The following NSL1 variants were observed in gnomAD, a reference collection of about 807,000 sequenced individuals.
NSL1 encodes the protein NSL1 component of MIS12 kinetochore complex.
Under a neutral mutation model 25.4 loss-of-function variants are expected in NSL1, and 11 were observed. The ratio of observed to expected loss-of-function variants is 0.43; its 90% confidence interval spans 0.27 to 0.72. The LOEUF (loss-of-function observed/expected upper bound fraction) is 0.72, where lower values mean the gene tolerates loss of function less well. Among genes scored for constraint, NSL1 ranks in the 30% least tolerant of loss-of-function variants. The probability of loss-of-function intolerance (pLI) is 0.19; values close to 1 mark genes in which losing one functional copy is unlikely to be tolerated. For synonymous variants in NSL1, 118 were observed against 120.6 expected, an observed-to-expected ratio of 0.98 and a Z score of 0.14; for missense variants, 330 against 342.7, an observed-to-expected ratio of 0.96 and a Z score of 0.29.
rs1657892918 is a variant in NSL1, at chr1:212,728,866, G to C, written c.*9542C>G. The C allele has an allele frequency of 1.0e-6, 1 of 985,406 alleles. No individual in the cohort carries two copies. Among genetic ancestry groups the C allele is most frequent in the Non-Finnish European group, 1.2e-6 (1 of 829,920 alleles). The allele number at this position is 985,406 out of a possible 1,614,324, so 61.0% of individuals were successfully genotyped here. On this transcript the variant is annotated 3_prime_UTR_variant, in exon 6 of 6. Coordinates refer to ENST00000366977, the MANE Select transcript of NSL1 (RefSeq NM_015471.4). The stretch of plus-strand genomic sequence containing the variant: ...AGTGTTTGCAGGAGGGCAAGACTGG[G>C]AGTGCTGGGGGTGGGGAGGCCAGAG...
chr1:212,732,705 T>C lies in NSL1; in HGVS notation c.*5703A>G, dbSNP rs1015104938. On this transcript the variant is annotated 3_prime_UTR_variant, in exon 6 of 6. Coordinates refer to ENST00000366977, the MANE Select transcript of NSL1 (RefSeq NM_015471.4). ...GGGAGCCTTAGTTTCCCAGATCCCATGGCTGCTGCTTTTTTGGTTTACCCT... is the reference window on the plus strand; with the variant it reads ...GGGAGCCTTAGTTTCCCAGATCCCACGGCTGCTGCTTTTTTGGTTTACCCT... 9 of 966,172 alleles carry C rather than the reference T, an allele frequency of 9.3e-6. No homozygotes were observed. Among genetic ancestry groups the C allele is most frequent in the Non-Finnish European group, 1.1e-5 (9 of 812,338 alleles). The allele number at this position is 966,172 out of a possible 1,614,324, so 59.8% of individuals were successfully genotyped here.
intron 4 of NSL1, among the ~76,000 whole-genome samples, chr1:212,754,505 G>A (rs778895172): frequency 2.0e-5 from 3 of 152,032 alleles, no homozygotes; most frequent in Non-Finnish European, 4.4e-5. Context: ...AGCCCGGCGC[G>A]GTGGCTCACA....
At chr1:212,772,805 C>T (rs148942955) in intron 4 of NSL1, among the ~76,000 whole-genome samples, 16 of 152,254 alleles carry the variant, frequency 1.1e-4, no homozygotes, top group East Asian at 7.7e-4. Flanking sequence ...TCAAAATATA[C>T]TACAAAGCTA....
chr1:212,785,735 C>T (rs1440645520), intron 2 of NSL1, among the ~76,000 whole-genome samples: 1 of 152,136 alleles, frequency 6.6e-6, no homozygotes, highest in East Asian at 1.9e-4. Context: ...TAAGTAGTTA[C>T]AAATACTAAA....
intron 4 of NSL1, among the ~76,000 whole-genome samples, chr1:212,742,023 C>G (rs981163163): frequency 5.9e-5 from 9 of 152,144 alleles, no homozygotes; most frequent in Admixed American, 1.3e-4. Flanking sequence ...ATAAATTTCT[C>G]AACCCTATCA....
Position 212,765,853 on chromosome 1 carries a change from C to T in NSL1, c.499+16519G>A, listed in dbSNP as rs562553914. On this transcript the variant is annotated intron_variant, in intron 4 of 5. Transcript: ENST00000366977. The stretch of plus-strand genomic sequence containing the variant: ...GCATCTCTTTATGATTAAAAACCCT[C>T]GGGCTGGGCGCAGTGGCTCACACCT... Among the ~76,000 whole-genome samples, 8 of 151,420 alleles carry T rather than the reference C, an allele frequency of 5.3e-5. No individual in the cohort carries two copies. The South Asian group carries it at 1.5e-3, about 28-fold the overall frequency.
rs1038553588 is a variant in NSL1, at chr1:212,760,370, T to C, written c.500-20769A>G. Among the ~76,000 whole-genome samples the C allele has an allele frequency of 1.3e-5, 2 of 152,100 alleles. No homozygotes were observed. The highest frequency in any genetic ancestry group is 2.9e-5 in the Non-Finnish European group (2 of 68,018). ...CCCAGGAATAGCCTCATTCTGTCTG[T>C]TGCTGTGGGCAGGTGCACACACTCA... On this transcript the variant is annotated intron_variant, in intron 4 of 5. Coordinates refer to ENST00000366977, the MANE Select transcript of NSL1 (RefSeq NM_015471.4). This position sits in a 1 kb window ranked among gnomAD's most constrained non-coding sequence, Gnocchi z 4.3.
At position 212,731,814 on chromosome 1, in the gene NSL1, T is replaced by A; in HGVS notation, c.*6594A>T. ...CACACTGTTACAAACATATGGATTG[T>A]ACTGGTTGGCACAGAAGCCTCCTCA... On this transcript the variant is annotated 3_prime_UTR_variant, in exon 6 of 6. Coordinates refer to ENST00000366977, the MANE Select transcript of NSL1 (RefSeq NM_015471.4). The A allele has an allele frequency of 1.0e-6, 1 of 985,432 alleles. No homozygotes were observed. Among genetic ancestry groups the A allele is most frequent in the Non-Finnish European group, 1.2e-6 (1 of 829,934 alleles). 61.0% of individuals were successfully genotyped at this position (985,432 alleles called of 1,614,324 possible). A position where few individuals can be genotyped will look rare whatever the true frequency, so the allele number is the denominator to read the frequency against.
chr1:212,782,995 G>A (rs1660792710), intron 3 of NSL1, among the ~76,000 whole-genome samples: 1 of 152,052 alleles, frequency 6.6e-6, no homozygotes. Flanking sequence ...AAGGTTAAAA[G>A]AAAGAAAACA....
Position 212,733,999 on chromosome 1 carries a change from T to C in NSL1, c.*4409A>G, listed in dbSNP as rs1658133246. ...ATTTCTTAATCTTTCTGTTTTATTT[T>C]TGGGAAAATTTCATTTTATCTCCCA... On this transcript the variant is annotated 3_prime_UTR_variant, in exon 6 of 6. Transcript: ENST00000366977. 6.6e-6 allele frequency among the ~76,000 whole-genome samples: 1 copy of C among 152,226 alleles called. No individual in the cohort carries two copies. Among genetic ancestry groups the C allele is most frequent in the Non-Finnish European group, 1.5e-5 (1 of 68,040 alleles).
chr1:212,776,363 CA>C (rs1014579066), intron 4 of NSL1, among the ~76,000 whole-genome samples: 5 of 147,828 alleles, frequency 3.4e-5, no homozygotes, highest in African/African-American at 5.0e-5. Flanking sequence ...AACTCCGTCT[CA>C]AAAAAAAATA....
At chr1:212,740,028 G>T (rs111917171) in intron 4 of NSL1, among the ~76,000 whole-genome samples, 46 of 152,116 alleles carry the variant, frequency 3.0e-4, no homozygotes, top group African/African-American at 1.0e-3. Flanking sequence ...AATTAATCTG[G>T]AACAGATTAT....
Position 212,738,033 on chromosome 1 carries a change from T to A in NSL1, c.*375A>T. On this transcript the variant is annotated 3_prime_UTR_variant, in exon 6 of 6. Coordinates refer to ENST00000366977, the MANE Select transcript of NSL1 (RefSeq NM_015471.4). ...TTATACAGCTCTCTCTCTTTTTTTT[T>A]TTTTTCCTAGAAAGATGTATACCAG... 1 of 993,826 alleles carries A rather than the reference T, an allele frequency of 1.0e-6. No individual in the cohort carries two copies. The highest frequency in any genetic ancestry group is 1.2e-6 in the Non-Finnish European group (1 of 835,616). The allele number at this position is 993,826 out of a possible 1,614,324, so 61.6% of individuals were successfully genotyped here.
intron 4 of NSL1, among the ~76,000 whole-genome samples, chr1:212,747,855 T>G (rs1229250687): frequency 1.3e-5 from 2 of 151,416 alleles, no homozygotes; most frequent in Non-Finnish European, 2.9e-5. Context: ...AACCTCTGCC[T>G]CCTGGTTCAA....
In NSL1 at chr1:212,728,627, G is replaced by C. The variant is rs553537827; in HGVS notation, c.*9781C>G. On this transcript the variant is annotated 3_prime_UTR_variant, in exon 6 of 6. Transcript: ENST00000366977. ...AAAAATGGTTTCTGAGAATTCTGAG[G>C]CTCTGATCTGATGAGTGAAGGGAAC... 1.4e-5 allele frequency: 14 copies of C among 985,432 alleles called. No individual in the cohort carries two copies. The South Asian group carries it at 5.6e-4, about 40-fold the overall frequency. 61.0% of individuals were successfully genotyped at this position (985,432 alleles called of 1,614,324 possible).
Position 212,726,231 on chromosome 1 carries a change from A to C in NSL1, c.*12177T>G, listed in dbSNP as rs898810304. The C allele has an allele frequency of 4.6e-5, 7 of 152,378 alleles. No homozygotes were observed. Among genetic ancestry groups the C allele is most frequent in the East Asian group, 1.9e-4 (1 of 5,194 alleles). 9.4% of individuals were successfully genotyped at this position (152,378 alleles called of 1,614,324 possible). Reference sequence around the variant, plus strand: ...CAGTGGGGGAAAAGAGGTACTATTCAATAAATGGTGTCAGAACAGGTGGTT... The same window carrying C: ...CAGTGGGGGAAAAGAGGTACTATTCCATAAATGGTGTCAGAACAGGTGGTT... On this transcript the variant is annotated 3_prime_UTR_variant, in exon 6 of 6. Coordinates refer to ENST00000366977, the MANE Select transcript of NSL1 (RefSeq NM_015471.4).
At chr1:212,739,429 T>C in intron 5 of NSL1, 105 bp downstream of exon 5, 3 of 984,010 alleles carry the variant, frequency 3.0e-6, no homozygotes, top group Non-Finnish European at 4.6e-6. Context: ...AAAGGACCGC[T>C]GAGAATTCCT....
rs952722984 is a variant in NSL1 at position 212,730,488 on chromosome 1, C to A, written c.*7920G>T. 4 of 985,180 alleles carry A rather than the reference C, an allele frequency of 4.1e-6. No individual in the cohort carries two copies. In the African/African-American group the frequency reaches 7.0e-5, roughly 17 times the overall value. The allele number at this position is 985,180 out of a possible 1,614,324, so 61.0% of individuals were successfully genotyped here. On this transcript the variant is annotated 3_prime_UTR_variant, in exon 6 of 6. Coordinates refer to ENST00000366977, the MANE Select transcript of NSL1 (RefSeq NM_015471.4). ...CACTGGAGCCATTCTCTGAGTAAGG[C>A]TAGTCAAGGTGATGATAGAAATGCC... is the stretch of plus-strand genomic sequence containing the variant.
intron 4 of NSL1, among the ~76,000 whole-genome samples, chr1:212,768,319 CAAAAAAAAA>C (rs34528216): frequency 1.7e-4 from 12 of 68,902 alleles, no homozygotes; most frequent in African/African-American, 8.8e-4. Context: ...GACTCCGTCT[CAAAAAAAAA>C]AAAAAAAAAA....
Sources: allele counts gnomAD v4.1 joint callset (sites outside exome capture counted in the v4.1 genomes callset), GRCh38; gene constraint gnomAD v4.1.1; non-coding constraint Gnocchi (gnomAD v3.1); transcripts MANE v1.5; gene names NCBI Gene and HGNC (gene_info 2026-07-23, HGNC 2026-07-21).